The following LAMB4 variants were observed in gnomAD, a reference collection of about 807,000 sequenced individuals.
The protein encoded by LAMB4 is laminin subunit beta-4.
Under a neutral mutation model 199.2 loss-of-function variants are expected in LAMB4, and 196 were observed. The observed-to-expected ratio is 0.98, with a 90% confidence interval of 0.88 to 1.11. The LOEUF (loss-of-function observed/expected upper bound fraction) is 1.11. LAMB4 is among the 50% of genes least tolerant of loss of function. The probability of loss-of-function intolerance (pLI) is 0.00; values close to 1 mark genes in which losing one functional copy is unlikely to be tolerated. For missense variants in LAMB4, 2,080 were observed against 2,171.2 expected, an observed-to-expected ratio of 0.96 and a Z score of 0.83; for synonymous variants, 744 against 770.6, an observed-to-expected ratio of 0.97 and a Z score of 0.57.
At chr7:108,085,908 C>T (rs1291445927) in intron 14 of LAMB4, among the ~76,000 whole-genome samples, 8 of 152,186 alleles carry the variant, frequency 5.3e-5, no homozygotes, top group Non-Finnish European at 8.8e-5. Context: ...CCACTGCGCC[C>T]GGCCCTGCAT....
chr7:108,102,940 G>T, intron 10 of LAMB4, 104 bp downstream of exon 10: 3 of 948,068 alleles, frequency 3.2e-6, no homozygotes, highest in Non-Finnish European at 3.0e-6. Flanking sequence ...AAATAGGGTA[G>T]TTTGGAGATG....
chr7:108,126,443 T>A (rs866828573), intron 1 of LAMB4, among the ~76,000 whole-genome samples: 14 of 152,114 alleles, frequency 9.2e-5, no homozygotes, highest in East Asian at 7.7e-4. Context: ...ACTCTAAGTA[T>A]CTAACATATG....
intron 3 of LAMB4, among the ~76,000 whole-genome samples, chr7:108,114,080 G>A (rs994223315): frequency 3.3e-5 from 5 of 152,196 alleles, no homozygotes; most frequent in Admixed American, 6.5e-5. Flanking sequence ...ATCAGAGTAT[G>A]TTGGCTCAGG....
chr7:108,040,683 G>A (rs1266587474), intron 29 of LAMB4, among the ~76,000 whole-genome samples: 1 of 152,160 alleles, frequency 6.6e-6, no homozygotes, highest in African/African-American at 2.4e-5. Context: ...TTCAATAAAT[G>A]GTGTGGGATA....
chr7:108,034,215 A>C lies in LAMB4; in HGVS notation c.4811T>G (p.Val1604Gly), dbSNP rs752199601. The C allele has an allele frequency of 1.7e-5, 27 of 1,613,940 alleles. No individual in the cohort carries two copies. Among genetic ancestry groups the C allele is most frequent in the Non-Finnish European group, 2.1e-5 (25 of 1,179,986 alleles). ...TANITKIKKN[V>G]LQAENQTREM... The stretch of plus-strand genomic sequence containing the variant: ...TTCAAAGAAGACAAATACCTGCAGC[A>C]CATTCTTTTTTATTTTTGTTATATT... The change falls in exon 31 of 34, where the codon GTG (valine) becomes GGG (glycine). Residue 1604 changes from valine to glycine, a missense_variant. Coordinates refer to ENST00000388781, the MANE Select transcript of LAMB4 (RefSeq NM_007356.3).
rs1352575682 is a variant in LAMB4, at chr7:108,127,187, G to T, written c.-34+3119C>A. Among the ~76,000 whole-genome samples the T allele has an allele frequency of 4.0e-3, 242 of 60,906 alleles. 1 individual carries two copies. Among genetic ancestry groups the T allele is most frequent in the Admixed American group, 0.016 (66 of 4,164 alleles). The allele number at this position is 60,906 out of a possible 152,430, so 40.0% of individuals were successfully genotyped here. On this transcript the variant is annotated intron_variant, in intron 1 of 33. Coordinates refer to ENST00000388781, the MANE Select transcript of LAMB4 (RefSeq NM_007356.3). ...TAAAATCACCAGGGTTTTTTTTTTT[G>T]TGTTTTTTTTTTTTTTTTGAATCCT...
chr7:108,029,157 G>A lies in LAMB4; in HGVS notation c.5032C>T (p.Arg1678Cys), dbSNP rs767685887. The A allele has an allele frequency of 1.3e-5, 21 of 1,612,972 alleles. No homozygotes were observed. The highest frequency in any genetic ancestry group is 1.6e-4 in the Middle Eastern group (1 of 6,082). The change falls in exon 33 of 34, where the codon CGT becomes TGT. Residue 1678 changes from arginine (R) to cysteine (C), a missense_variant. Physicochemically the swap from Arg to Cys is radical, Grantham distance 180. Coordinates refer to ENST00000388781, the MANE Select transcript of LAMB4 (RefSeq NM_007356.3). ...ELKKQYAILQRKTSTTGLTKE... is the reference protein window; with the variant it reads ...ELKKQYAILQCKTSTTGLTKE... ...GTTAGTCCTGTAGTGCTTGTCTTAC[G>A]TTGGAGAATAGCATATTGTTTTTTC...
At chr7:108,115,470 A>T (rs908024439) in intron 3 of LAMB4, among the ~76,000 whole-genome samples, 1 of 152,200 alleles carries the variant, frequency 6.6e-6, no homozygotes, top group Non-Finnish European at 1.5e-5. Context: ...GGAGTTCGAG[A>T]TCAGCCTGGG....
At chr7:108,029,857 C>G (rs1034763128) in intron 32 of LAMB4, among the ~76,000 whole-genome samples, 4 of 152,028 alleles carry the variant, frequency 2.6e-5, no homozygotes, top group Admixed American at 6.6e-5. Context: ...TGGTGGCTCA[C>G]GCCTGTAATC....
Position 108,025,393 on chromosome 7 carries a change from C to CT in LAMB4, c.5147-1216dup, listed in dbSNP as rs779525723. Among the ~76,000 whole-genome samples the CT allele has an allele frequency of 6.9e-5, 5 of 71,996 alleles. 1 individual carries two copies. Among genetic ancestry groups the CT allele is most frequent in the Admixed American group, 1.7e-4 (1 of 5,924 alleles). 47.2% of individuals were successfully genotyped at this position (71,996 alleles called of 152,430 possible). A position where few individuals can be genotyped will look rare whatever the true frequency, so the allele number is the denominator to read the frequency against. ...TTCTTTCTTTCTTTTCTTTTCTTTTCTTTCTTTCTTTCTTTCTTTCTTTCT... is the reference window on the plus strand; with the variant it reads ...TTCTTTCTTTCTTTTCTTTTCTTTTCTTTTCTTTCTTTCTTTCTTTCTTTCT... On this transcript the variant is annotated intron_variant, in intron 33 of 33. Transcript: ENST00000388781.
At chr7:108,032,607 T>A (rs566794603) in intron 31 of LAMB4, among the ~76,000 whole-genome samples, 3 of 152,180 alleles carry the variant, frequency 2.0e-5, no homozygotes, top group Non-Finnish European at 4.4e-5. Flanking sequence ...CAAAATTGTG[T>A]TAGAGCCACA....
Position 108,111,800 on chromosome 7 carries a change from T to G in LAMB4, c.328+11A>C. ...AAGAAATAAACAACTGGAAAGGAAC[T>G]TAAATCATACCATTTTCAGATTGCC... On this transcript the variant is annotated intron_variant, in intron 4 of 33. Transcript: ENST00000388781. 2 of 1,610,168 alleles carry G rather than the reference T, an allele frequency of 1.2e-6. No homozygotes were observed. The highest frequency in any genetic ancestry group is 1.7e-6 in the Non-Finnish European group (2 of 1,178,058).
chr7:108,031,369 G>GAAAAAAAAAAAAAAAAAGGAAAAA (rs371230419), intron 31 of LAMB4, among the ~76,000 whole-genome samples: 1 of 81,162 alleles, frequency 1.2e-5, no homozygotes, highest in Non-Finnish European at 2.5e-5. Flanking sequence ...AAAAGGAAAA[G>GAAAAAAAAAAAAAAAAAGGAAAAA]AAAAAAAAAA....
intron 11 of LAMB4, among the ~76,000 whole-genome samples, chr7:108,096,965 A>C (rs910132698): frequency 7.5e-6 from 1 of 134,152 alleles, no homozygotes; most frequent in African/African-American, 2.6e-5. Context: ...AAAAAAAAAA[A>C]AAAAAAATTT....
At chr7:108,080,215 C>G (rs1393370151) in intron 14 of LAMB4, among the ~76,000 whole-genome samples, 1 of 152,160 alleles carries the variant, frequency 6.6e-6, no homozygotes, top group African/African-American at 2.4e-5. Context: ...GATTTATTTT[C>G]TAGATACTTC....
At chr7:108,124,487 T>C (rs1034075347) in intron 1 of LAMB4, among the ~76,000 whole-genome samples, 1 of 152,156 alleles carries the variant, frequency 6.6e-6, no homozygotes, top group East Asian at 1.9e-4. Context: ...TACACACACA[T>C]GCATATATAC....
intron 8 of LAMB4, among the ~76,000 whole-genome samples, chr7:108,105,040 C>G (rs903868027): frequency 6.6e-6 from 1 of 151,968 alleles, no homozygotes; most frequent in African/African-American, 2.4e-5. Flanking sequence ...TGGATTTTCC[C>G]AAAAATGCTC....
chr7:108,089,446 C>T (rs2037314799), intron 14 of LAMB4, among the ~76,000 whole-genome samples: 1 of 152,218 alleles, frequency 6.6e-6, no homozygotes, highest in Non-Finnish European at 1.5e-5. Flanking sequence ...AGACTGTCTT[C>T]TCATAAAGTC....
At position 108,063,995 on chromosome 7, in the gene LAMB4, A is replaced by G. The variant is rs1287327748; in HGVS notation, c.2837-10T>C. ...TCTCCACACTGAGTACCTGAAAGAA[A>G]GTGGGAGGAAAAGGAATGGGGTGAG... On this transcript the variant is annotated splice_polypyrimidine_tract_variant and intron_variant, in intron 21 of 33. Transcript: ENST00000388781. 2 of 1,599,670 alleles carry G rather than the reference A, an allele frequency of 1.3e-6. No homozygotes were observed. Among genetic ancestry groups the G allele is most frequent in the Non-Finnish European group, 1.7e-6 (2 of 1,166,828 alleles).
Sources: allele counts gnomAD v4.1 joint callset (sites outside exome capture counted in the v4.1 genomes callset), GRCh38; gene constraint gnomAD v4.1.1; transcripts MANE v1.5; gene names NCBI Gene and HGNC (gene_info 2026-07-23, HGNC 2026-07-21).